CRYBG1: variants seen among roughly 807,000 people sequenced by gnomAD.
CRYBG1 encodes crystallin beta-gamma domain containing 1.
Under a neutral mutation model 189.2 loss-of-function variants are expected in CRYBG1, and 139 were observed. The observed-to-expected ratio is 0.73, with a 90% CI of 0.64 to 0.85. The LOEUF is 0.85. Among genes scored for constraint, CRYBG1 ranks in the 40% least tolerant of loss-of-function variants. CRYBG1 has a pLI of 0.00. For missense variants in CRYBG1, 2,611 were observed against 2,675.8 expected (o/e 0.98, Z 0.53); for synonymous variants, 1,023 against 1,017.1 (o/e 1.01, Z -0.11).
intron 2 of CRYBG1, among the ~76,000 whole-genome samples, chr6:106,488,739 C>T (rs867468609): frequency 6.6e-6 from 1 of 152,176 alleles, no homozygotes; most frequent in Non-Finnish European, 1.5e-5. Flanking sequence ...GATAAGGTGC[C>T]TCATGAATTT....
At chr6:106,516,473 A>G (rs1030660740) in intron 3 of CRYBG1, among the ~76,000 whole-genome samples, 2 of 152,124 alleles carry the variant, frequency 1.3e-5, no homozygotes, top group Non-Finnish European at 2.9e-5. Context: ...ACCTGAAGTG[A>G]TCCACCCGCT....
intron 1 of CRYBG1, among the ~76,000 whole-genome samples, chr6:106,444,981 A>AAAAC (rs75128545): frequency 0.33 from 49,590 of 151,554 alleles, 8,480 homozygotes; most frequent in Middle Eastern, 0.48. Context: ...AAAAACCAAC[A>AAAAC]AAACAAACAA....
In CRYBG1 at chr6:106,414,988, A is replaced by G. The variant is rs148796375; in HGVS notation, c.174-36706A>G. Among the ~76,000 whole-genome samples the G allele has an allele frequency of 8.8e-4, 134 of 152,310 alleles. 1 individual carries two copies. The highest frequency in any genetic ancestry group is 3.1e-3 in the African/African-American group (127 of 41,560). ...AATACAAATGCATTCAACTAGCAGG[A>G]TTTTGAAGAAATCCTCTTCTTTTTT... On this transcript the variant is annotated intron_variant, in intron 1 of 21. Transcript: ENST00000633556.
chr6:106,424,975 G>A (rs1262876185), intron 1 of CRYBG1, among the ~76,000 whole-genome samples: 1 of 152,094 alleles, frequency 6.6e-6, no homozygotes, highest in East Asian at 1.9e-4. Context: ...ACTCTCTGAG[G>A]TGCCTCCTTT....
At position 106,530,265 on chromosome 6, in the gene CRYBG1, G is replaced by A. The variant is rs984944135; in HGVS notation, c.4668G>A (p.Gln1556=). 9 of 1,613,862 alleles carry A rather than the reference G, an allele frequency of 5.6e-6. No homozygotes were observed. Among genetic ancestry groups the A allele is most frequent in the Non-Finnish European group, 6.8e-6 (8 of 1,179,872 alleles). ...SSYFDDTEEM[Q]GFGVMQKTCS... ...ACTTTGATGATACTGAAGAAATGCAGGGATTTGGTGTAATGCAGAAGACTT... is the reference window on the plus strand; with the variant it reads ...ACTTTGATGATACTGAAGAAATGCAAGGATTTGGTGTAATGCAGAAGACTT... The change falls in exon 8 of 22, where the codon CAG becomes CAA. Residue 1556 remains glutamine (Q), a synonymous_variant. Transcript: ENST00000633556.
intron 1 of CRYBG1, among the ~76,000 whole-genome samples, chr6:106,445,286 TCTA>T (rs1286119763): frequency 6.6e-6 from 1 of 152,212 alleles, no homozygotes; most frequent in East Asian, 1.9e-4. Context: ...GTGAAACTCA[TCTA>T]CTGAGAATTT....
intron 1 of CRYBG1, among the ~76,000 whole-genome samples, chr6:106,369,854 G>T (rs1477169970): frequency 6.6e-6 from 1 of 152,134 alleles, no homozygotes; most frequent in Non-Finnish European, 1.5e-5. Flanking sequence ...CCATATTGAG[G>T]AAAAATCAGG....
At chr6:106,400,882 T>A (rs114467904) in intron 1 of CRYBG1, among the ~76,000 whole-genome samples, 1 of 151,922 alleles carries the variant, frequency 6.6e-6, no homozygotes, top group Non-Finnish European at 1.5e-5. Context: ...TGCAAGATCG[T>A]AGAGAAGGGT....
At chr6:106,456,336 AT>A (rs1260915453) in intron 2 of CRYBG1, among the ~76,000 whole-genome samples, 1 of 125,420 alleles carries the variant, frequency 8.0e-6, no homozygotes, top group Non-Finnish European at 1.7e-5. Flanking sequence ...TTTTTTTTGT[AT>A]TTTTAGTAGT....
rs146563761 is a variant in CRYBG1 at position 106,421,424 on chromosome 6, G to A, written c.174-30270G>A. Among the ~76,000 whole-genome samples the A allele has an allele frequency of 1.6e-3, 243 of 152,262 alleles. 1 individual carries two copies. The highest frequency in any genetic ancestry group is 5.1e-3 in the Admixed American group (78 of 15,306). ...AATCATTTTTGGCAGTGGGGAAGAT[G>A]GGGTGGCAGAAACCATAGTGTTTTA... On this transcript the variant is annotated intron_variant, in intron 1 of 21. Coordinates refer to ENST00000633556, the MANE Select transcript of CRYBG1 (RefSeq NM_001371242.2).
intron 1 of CRYBG1, among the ~76,000 whole-genome samples, chr6:106,431,630 T>C (rs1393918138): frequency 6.6e-6 from 1 of 152,172 alleles, no homozygotes; most frequent in Non-Finnish European, 1.5e-5. Flanking sequence ...ATTCTACCCG[T>C]AGGTGGACAG....
intron 13 of CRYBG1, among the ~76,000 whole-genome samples, chr6:106,545,498 T>TA (rs762620144): frequency 2.0e-5 from 3 of 152,360 alleles, no homozygotes; most frequent in Non-Finnish European, 4.4e-5. Flanking sequence ...AAATGGAACT[T>TA]ACTGGCTTAA....
At chr6:106,374,148 G>T (rs1770100309) in intron 1 of CRYBG1, among the ~76,000 whole-genome samples, 2 of 152,178 alleles carry the variant, frequency 1.3e-5, no homozygotes. Flanking sequence ...CAAGTTCTGT[G>T]GTTGGCAAAT....
intron 9 of CRYBG1, 151 bp downstream of exon 9, chr6:106,539,680 A>G: frequency 1.2e-6 from 1 of 833,184 alleles, no homozygotes; most frequent in Non-Finnish European, 1.8e-6. Context: ...CATGGAAAGA[A>G]TAACTTGCTA....
intron 1 of CRYBG1, among the ~76,000 whole-genome samples, chr6:106,434,356 A>G (rs1474240941): frequency 6.6e-6 from 1 of 152,158 alleles, no homozygotes; most frequent in Non-Finnish European, 1.5e-5. Context: ...AAAAAAATTA[A>G]GTAAATTTAA....
chr6:106,379,888 A>T (rs965417632), intron 1 of CRYBG1, among the ~76,000 whole-genome samples: 10 of 152,334 alleles, frequency 6.6e-5, no homozygotes, highest in Admixed American at 2.6e-4. Context: ...CATGATTTTT[A>T]CATTCTAATT....
chr6:106,465,799 T>C (rs530447901), intron 2 of CRYBG1, among the ~76,000 whole-genome samples: 1 of 152,344 alleles, frequency 6.6e-6, no homozygotes, highest in South Asian at 2.1e-4. Flanking sequence ...ACAGGTCTTT[T>C]TTTGCTCTAT....
At chr6:106,426,865 C>T (rs1422487917) in intron 1 of CRYBG1, among the ~76,000 whole-genome samples, 2 of 152,212 alleles carry the variant, frequency 1.3e-5, no homozygotes, top group African/African-American at 4.8e-5. Flanking sequence ...TGGAAGGAAA[C>T]ATCAGGTTAA....
At chr6:106,506,077 A>T (rs915811238) in intron 2 of CRYBG1, among the ~76,000 whole-genome samples, 4 of 152,224 alleles carry the variant, frequency 2.6e-5, no homozygotes, top group African/African-American at 9.7e-5. Flanking sequence ...AGCTCCATCA[A>T]CACGTGGAAT....
Sources: allele counts gnomAD v4.1 joint callset (sites outside exome capture counted in the v4.1 genomes callset), GRCh38; gene constraint gnomAD v4.1.1; transcripts MANE v1.5; gene names NCBI Gene and HGNC (gene_info 2026-07-23, HGNC 2026-07-21).